The following TP53I13 variants were observed in gnomAD, a reference collection of about 807,000 sequenced individuals.
TP53I13 encodes the protein tumor protein p53-inducible protein 13.
A neutral mutation model predicts 39.1 loss-of-function variants in TP53I13; 27 were observed. The observed-to-expected ratio is 0.69, with a 90% CI of 0.51 to 0.95. The LOEUF is 0.95. TP53I13 is among the 40% of genes least tolerant of loss of function. The pLI, the probability that TP53I13 is intolerant of heterozygous loss-of-function variation, is 0.00. For missense variants in TP53I13, 544 were observed against 520.4 expected (o/e 1.05, Z -0.44); for synonymous variants, 230 against 224.6 (o/e 1.02, Z -0.22).
upstream of TP53I13, chr17:29,566,452 C>A (rs769028784): frequency 8.7e-6 from 14 of 1,612,172 alleles, no homozygotes; most frequent in Non-Finnish European, 1.1e-5. Context: ...GAGCACGTTG[C>A]GGGTGAGGCG....
downstream of TP53I13, chr17:29,577,038 C>T (rs1392467063): frequency 6.2e-7 from 1 of 1,606,488 alleles, no homozygotes; most frequent in East Asian, 2.2e-5. Flanking sequence ...CTCCACCACA[C>T]AACCCATCTC....
chr17:29,576,714 G>A (rs764183721), downstream of TP53I13: 21 of 1,611,010 alleles, frequency 1.3e-5, no homozygotes, highest in Non-Finnish European at 1.6e-5. Context: ...CCTGGGGGCA[G>A]GGAGGCCAAC....
Position 29,572,621 on chromosome 17 carries a change from A to C in TP53I13, c.993A>C (p.Thr331=), listed in dbSNP as rs772329220. The C allele has an allele frequency of 6.3e-7, 1 of 1,590,376 alleles. No homozygotes were observed. Among genetic ancestry groups the C allele is most frequent in the South Asian group, 1.1e-5 (1 of 88,196 alleles). Residue 331 remains threonine, a synonymous_variant, in exon 6 of 7, where the codon ACA becomes ACC. Transcript: ENST00000301057. ...TGCTCACCCTGGCCACGCTCTGCAC[A>C]CGGCTGCACAGAAACTTCCGACGCG... is the stretch of plus-strand genomic sequence containing the variant. The part of the protein sequence containing the change: ...LVLLTLATLC[T]RLHRNFRRGE...
At chr17:29,568,661 C>CAG, upstream of TP53I13, 1 of 783,472 alleles carries the variant, frequency 1.3e-6, no homozygotes, top group Admixed American at 8.0e-5. The surrounding 1 kb of genome is among the most constrained non-coding windows in gnomAD (Gnocchi z 4.5). Context: ...GCGGGCGGCG[C>CAG]GGGCGGCGCG....
downstream of TP53I13, chr17:29,575,573 T>C: frequency 4.4e-6 from 7 of 1,581,450 alleles, no homozygotes; most frequent in South Asian, 7.8e-5. The surrounding 1 kb of genome is among the most constrained non-coding windows in gnomAD (Gnocchi z 5.5). Context: ...GGGGGCCCTC[T>C]CAACCTCCCC....
At chr17:29,579,754 T>C in the TP53I13 span, among the ~76,000 whole-genome samples, 2 of 151,004 alleles carry the variant, frequency 1.3e-5, no homozygotes, top group South Asian at 4.2e-4. Context: ...ACATTTTGCA[T>C]ACATTCTTAT....
chr17:29,577,751 G>C, downstream of TP53I13: 1 of 1,570,702 alleles, frequency 6.4e-7, no homozygotes, highest in Non-Finnish European at 8.8e-7. Context: ...CACTGTAGGG[G>C]ACGGACAGGA....
At chr17:29,581,673 C>A in the TP53I13 span, 2 of 1,210,178 alleles carry the variant, frequency 1.7e-6, no homozygotes, top group Admixed American at 1.7e-5. This position sits in a 1 kb window ranked among gnomAD's most constrained non-coding sequence, Gnocchi z 4.8. Context: ...CTGCCGGGTG[C>A]GTCCAGGTCC....
At chr17:29,578,179 T>C in the TP53I13 span, 50 of 811,976 alleles carry the variant, frequency 6.2e-5, no homozygotes, top group Non-Finnish European at 1.0e-4. Context: ...CAGGGGCTCA[T>C]CTGCAGGCCT....
the TP53I13 span, among the ~76,000 whole-genome samples, chr17:29,579,827 G>A: frequency 6.6e-6 from 1 of 152,070 alleles, no homozygotes. Context: ...GATAACCAAG[G>A]CTCAGAGAGG....
upstream of TP53I13, chr17:29,567,101 C>T: frequency 1.4e-6 from 1 of 721,752 alleles, no homozygotes; most frequent in Non-Finnish European, 1.8e-6. This position sits in a 1 kb window ranked among gnomAD's most constrained non-coding sequence, Gnocchi z 6.6. Context: ...CTGGATTGGC[C>T]GTGGCCGGGC....
At chr17:29,576,555 G>A (rs2033210532), downstream of TP53I13, 2 of 1,613,958 alleles carry the variant, frequency 1.2e-6, no homozygotes, top group Middle Eastern at 1.6e-4. Context: ...CGTCGCTCAG[G>A]CTACTGTTGA....
rs1263770701 is a variant in TP53I13 at position 29,572,812 on chromosome 17, C to A, written c.1070C>A (p.Ala357Asp). Reference protein sequence around the residue: ...PTADSQDTVAAVLKRRLLQPS... With the variant: ...PTADSQDTVADVLKRRLLQPS... The stretch of plus-strand genomic sequence containing the variant: ...TGACTGCTCGGCGCCCGGCCCACAG[C>A]TGTGCTGAAGCGGAGGCTGCTGCAG... Residue 357 changes from alanine to aspartate, a missense_variant and splice_region_variant, in exon 7 of 7, where the codon GCT becomes GAT. Ala to Asp is a moderately radical substitution (Grantham distance 126). Transcript: ENST00000301057. 25 of 1,534,216 alleles carry A rather than the reference C, an allele frequency of 1.6e-5. No homozygotes were observed. The highest frequency in any genetic ancestry group is 2.0e-5 in the Non-Finnish European group (23 of 1,144,386).
At chr17:29,566,995 CG>C, upstream of TP53I13, 1 of 1,283,774 alleles carries the variant, frequency 7.8e-7, no homozygotes, top group South Asian at 2.6e-5. Context: ...CGGCGGGCAG[CG>C]GGCGGCGGGG....
chr17:29,578,607 T>C, the TP53I13 span: 1 of 945,474 alleles, frequency 1.1e-6, no homozygotes, highest in Non-Finnish European at 1.7e-6. Flanking sequence ...CTGAGGCCAG[T>C]GAGGGGACAG....
the TP53I13 span, chr17:29,581,886 A>ACCCCCCCCCC: frequency 6.2e-7 from 1 of 1,600,364 alleles, no homozygotes; most frequent in Non-Finnish European, 8.5e-7. This position sits in a 1 kb window ranked among gnomAD's most constrained non-coding sequence, Gnocchi z 4.8. Flanking sequence ...CCTCACCCAC[A>ACCCCCCCCCC]CCCCCACCCA....
At chr17:29,577,289 T>TA, downstream of TP53I13, 1 of 1,513,648 alleles carries the variant, frequency 6.6e-7, no homozygotes, top group Non-Finnish European at 9.2e-7. Context: ...GGGGACCCCT[T>TA]ATGACTGACG....
At chr17:29,569,284 A>G (rs757810780) in intron 2 of TP53I13, 34 bp from the exon 3 acceptor site, 9 of 1,610,614 alleles carry the variant, frequency 5.6e-6, no homozygotes, top group South Asian at 4.4e-5. Flanking sequence ...GAGTCCCCCA[A>G]CTGCCCTAAG....
chr17:29,571,821 C>G (rs1017922860), intron 4 of TP53I13, 36 bp from the exon 5 acceptor site: 1 of 1,612,612 alleles, frequency 6.2e-7, no homozygotes, highest in African/African-American at 1.3e-5. Flanking sequence ...TTGTCCCCAC[C>G]TTCCTCGTAG....
Sources: allele counts gnomAD v4.1 joint callset (sites outside exome capture counted in the v4.1 genomes callset), GRCh38; gene constraint gnomAD v4.1.1; non-coding constraint Gnocchi (gnomAD v3.1); transcripts MANE v1.5; gene names NCBI Gene and HGNC (gene_info 2026-07-23, HGNC 2026-07-21).